The following MTTP variants were observed in gnomAD, a reference collection of about 807,000 sequenced individuals.
MTTP encodes the protein microsomal triglyceride transfer protein.
A neutral mutation model predicts 90.6 loss-of-function variants in MTTP; 49 were observed. The ratio of observed to expected loss-of-function variants is 0.54; its 90% CI spans 0.43 to 0.69. The LOEUF is 0.69. MTTP is among the 30% of genes least tolerant of loss of function. The pLI is 0.00. For missense variants in MTTP, 945 were observed against 1,067.5 expected (o/e 0.89, Z 1.60); for synonymous variants, 347 against 384.2 (o/e 0.90, Z 1.13).
intron 14 of MTTP, among the ~76,000 whole-genome samples, chr4:99,611,759 G>A (rs1036507877): frequency 5.9e-5 from 9 of 152,104 alleles, no homozygotes; most frequent in East Asian, 3.9e-4. Flanking sequence ...TTACATAAAC[G>A]TTTAAAAATA....
chr4:99,603,597 A>G (rs1278232569), intron 10 of MTTP, among the ~76,000 whole-genome samples: 3 of 152,172 alleles, frequency 2.0e-5, no homozygotes, highest in Non-Finnish European at 4.4e-5. Flanking sequence ...GGTGACTCTA[A>G]AGCTTTCAGT....
intron 14 of MTTP, 139 bp from the exon 15 acceptor site, chr4:99,612,774 T>G (rs1264448061): frequency 4.0e-6 from 3 of 747,300 alleles, no homozygotes; most frequent in African/African-American, 3.5e-5. Flanking sequence ...TTTGTCTGTT[T>G]TAGTTTTTGT....
At chr4:99,591,908 C>A (rs2110218866) in intron 6 of MTTP, 118 bp downstream of exon 6, 1 of 910,464 alleles carries the variant, frequency 1.1e-6, no homozygotes, top group African/African-American at 1.7e-5. Context: ...TCATGCATTG[C>A]TTAACAATGG....
Position 99,601,590 on chromosome 4 carries a change from C to T in MTTP, c.1237-17C>T, listed in dbSNP as rs775480298. 6.5e-7 allele frequency: 1 copy of T among 1,539,062 alleles called. No individual in the cohort carries two copies. Among genetic ancestry groups the T allele is most frequent in the Non-Finnish European group, 9.0e-7 (1 of 1,112,178 alleles). ...TAAATGTCTTGGTAACCTATTTTAT[C>T]CCTGTTTGGTTAATAGAGTAAGTTC... is the stretch of plus-strand genomic sequence containing the variant. On this transcript the variant is annotated splice_polypyrimidine_tract_variant and intron_variant, in intron 9 of 17. Transcript: ENST00000265517.
chr4:99,611,143 C>T lies in MTTP; in HGVS notation c.1770C>T (p.Ser590=). 1 of 1,613,486 alleles carries T rather than the reference C, an allele frequency of 6.2e-7. No individual in the cohort carries two copies. Among genetic ancestry groups the T allele is most frequent in the South Asian group, 1.1e-5 (1 of 91,066 alleles). ...CTTTTTTTTTCCTCATATGTTGCAG[C>T]AAAATTGTCCGTCGAGTTCTGAAGG... ...QDILRFEMPA[S]KIVRRVLKEM... The change falls in exon 13 of 18, where the codon AGC becomes AGT. Residue 590 remains serine (S), a splice_region_variant and synonymous_variant. Transcript: ENST00000265517.
chr4:99,610,503 A>G (rs1233132947), intron 12 of MTTP, among the ~76,000 whole-genome samples: 1 of 152,174 alleles, frequency 6.6e-6, no homozygotes, highest in African/African-American at 2.4e-5. Flanking sequence ...ATGTTTTGCT[A>G]TGTTGTCATA....
intron 3 of MTTP, among the ~76,000 whole-genome samples, chr4:99,584,473 ATGTATATTGCT>A (rs1725208614): frequency 6.6e-6 from 1 of 152,130 alleles, no homozygotes; most frequent in African/African-American, 2.4e-5. Context: ...CATTTCATAT[ATGTATATTGCT>A]AATCATGATG....
At chr4:99,620,860 C>A in intron 16 of MTTP, 1 of 591,616 alleles carries the variant, frequency 1.7e-6, no homozygotes, top group Non-Finnish European at 3.0e-6. Context: ...AAGGGCAAAC[C>A]TTCCCTGCCC....
intron 16 of MTTP, among the ~76,000 whole-genome samples, chr4:99,619,450 TAA>T (rs1233460680): frequency 6.6e-6 from 1 of 152,132 alleles, no homozygotes; most frequent in Non-Finnish European, 1.5e-5. Context: ...TGGGGAAAAA[TAA>T]AATAGATAAT....
intron 1 of MTTP, among the ~76,000 whole-genome samples, chr4:99,566,213 C>T (rs28497720): frequency 0.26 from 39,022 of 147,504 alleles, 5,274 homozygotes; most frequent in South Asian, 0.35. Context: ...GGCGTGAACC[C>T]GGGAGGCGGA....
Position 99,605,889 on chromosome 4 carries a change from A to ATG in MTTP, c.1345-851_1345-850dup, listed in dbSNP as rs1209227234. On this transcript the variant is annotated intron_variant, in intron 10 of 17. Transcript: ENST00000265517. The stretch of plus-strand genomic sequence containing the variant: ...CATGTATGTGTGTGTGTGTGTGTGT[A>ATG]TGTGTGTGTCTGTGTGTTTGTGTGT... 9.8e-4 allele frequency among the ~76,000 whole-genome samples: 68 copies of ATG among 69,258 alleles called. 1 individual carries two copies. The highest frequency in any genetic ancestry group is 2.9e-3 in the African/African-American group (31 of 10,748). The allele number at this position is 69,258 out of a possible 152,430, so 45.4% of individuals were successfully genotyped here. A position where few individuals can be genotyped will look rare whatever the true frequency, so the allele number is the denominator to read the frequency against.
intron 3 of MTTP, chr4:99,584,333 A>G (rs745861624): frequency 6.6e-6 from 1 of 152,124 alleles, no homozygotes; most frequent in Non-Finnish European, 1.5e-5. Flanking sequence ...GGGAACATTG[A>G]GTTATAATTC....
Position 99,613,115 on chromosome 4 carries a change from T to A in MTTP, c.2192T>A (p.Leu731His). The A allele has an allele frequency of 6.2e-7, 1 of 1,613,804 alleles. No individual in the cohort carries two copies. Among genetic ancestry groups the A allele is most frequent in the African/African-American group, 1.3e-5 (1 of 75,048 alleles). ...SGDPISVVKG[L>H]ILLIDHSQEL... is the part of the protein sequence containing the mutation. The stretch of plus-strand genomic sequence containing the variant: ...GACCCTATCAGTGTGGTGAAAGGAC[T>A]TATTCTGCTAATAGATCATTCTCAG... Residue 731 changes from leucine to histidine, a missense_variant, in exon 15 of 18, where the codon CTT becomes CAT. By Grantham distance (99) the Leu-to-His change is moderately conservative. Coordinates refer to ENST00000265517, the MANE Select transcript of MTTP (RefSeq NM_001386140.1).
chr4:99,584,421 T>C (rs931791797), intron 3 of MTTP, among the ~76,000 whole-genome samples: 1 of 152,156 alleles, frequency 6.6e-6, no homozygotes, highest in African/African-American at 2.4e-5. Flanking sequence ...AGTAATACTT[T>C]ATTTATTTTC....
intron 1 of MTTP, among the ~76,000 whole-genome samples, chr4:99,581,291 C>G (rs536467284): frequency 6.6e-6 from 1 of 152,154 alleles, no homozygotes; most frequent in Non-Finnish European, 1.5e-5. Context: ...TAAGCCTGTA[C>G]TAAGATTTCA....
intron 3 of MTTP, among the ~76,000 whole-genome samples, chr4:99,588,136 A>G (rs1725302359): frequency 6.7e-6 from 1 of 149,886 alleles, no homozygotes; most frequent in African/African-American, 2.4e-5. Flanking sequence ...AATTCAGGAA[A>G]AGTATTCTCT....
intron 1 of MTTP, among the ~76,000 whole-genome samples, chr4:99,566,923 C>G (rs1724715660): frequency 6.7e-6 from 1 of 149,726 alleles, no homozygotes; most frequent in African/African-American, 2.5e-5. Flanking sequence ...AATTCTAAGT[C>G]TTAGGATACT....
chr4:99,568,701 G>A (rs567596376), intron 1 of MTTP, among the ~76,000 whole-genome samples: 1 of 152,202 alleles, frequency 6.6e-6, no homozygotes, highest in South Asian at 2.1e-4. Flanking sequence ...ATAAGGAGAT[G>A]CTAAAAACCA....
chr4:99,603,331 G>A (rs1725741100), intron 10 of MTTP, among the ~76,000 whole-genome samples: 1 of 152,098 alleles, frequency 6.6e-6, no homozygotes, highest in Admixed American at 6.6e-5. Flanking sequence ...AGAAAGAAGA[G>A]AACAGTGAAG....
Sources: allele counts gnomAD v4.1 joint callset (sites outside exome capture counted in the v4.1 genomes callset), GRCh38; gene constraint gnomAD v4.1.1; transcripts MANE v1.5; gene names NCBI Gene and HGNC (gene_info 2026-07-23, HGNC 2026-07-21).